Variants in GRIA4 observed in about 807,000 individuals in gnomAD.
GRIA4 encodes glutamate receptor 4.
In GRIA4, 34 loss-of-function variants were observed where a neutral mutation model predicts 104.0. The ratio of observed to expected loss-of-function variants is 0.33; its 90% CI spans 0.25 to 0.44. GRIA4 has a LOEUF of 0.44. Ranked by LOEUF, GRIA4 falls within the 20% of genes least tolerant of loss-of-function variation. The pLI, the probability that GRIA4 is intolerant of heterozygous loss-of-function variation, is 1.00. For synonymous variants in GRIA4, 386 were observed against 381.9 expected (o/e 1.01, Z -0.13); for missense variants, 750 against 1,096.5 (o/e 0.68, Z 4.46).
At chr11:105,782,286 A>G (rs1217372192) in intron 4 of GRIA4, among the ~76,000 whole-genome samples, 1 of 152,220 alleles carries the variant, frequency 6.6e-6, no homozygotes, top group Non-Finnish European at 1.5e-5. Context: ...TGTGCAACCT[A>G]TCGAGATATG....
intron 5 of GRIA4, among the ~76,000 whole-genome samples, chr11:105,874,168 T>C (rs575377393): frequency 6.6e-6 from 1 of 152,320 alleles, no homozygotes; most frequent in South Asian, 2.1e-4. Context: ...ATTTATGGAA[T>C]AGGAGATCCT....
At chr11:105,803,931 C>T (rs994378017) in intron 4 of GRIA4, among the ~76,000 whole-genome samples, 2 of 148,238 alleles carry the variant, frequency 1.3e-5, no homozygotes, top group South Asian at 2.2e-4. Flanking sequence ...CTAGCTCTCA[C>T]TTTTACATTT....
intron 3 of GRIA4, among the ~76,000 whole-genome samples, chr11:105,727,985 G>A (rs530241197): frequency 1.3e-5 from 2 of 152,112 alleles, no homozygotes; most frequent in East Asian, 1.9e-4. Context: ...GCAAAATAAC[G>A]AGCTAGCATC....
chr11:105,946,848 C>CA (rs1454475127), intron 14 of GRIA4, among the ~76,000 whole-genome samples: 1 of 151,804 alleles, frequency 6.6e-6, no homozygotes, highest in African/African-American at 2.4e-5. Flanking sequence ...AAAAATGTAC[C>CA]AAAAAAATGA....
chr11:105,753,688 C>T (rs1565518945), intron 4 of GRIA4, among the ~76,000 whole-genome samples: 1 of 152,140 alleles, frequency 6.6e-6, no homozygotes, highest in African/African-American at 2.4e-5. Flanking sequence ...CAAGACTGAA[C>T]ATCACTTTGG....
chr11:105,692,264 AAAG>A (rs1953117497), intron 3 of GRIA4, among the ~76,000 whole-genome samples: 5 of 152,168 alleles, frequency 3.3e-5, no homozygotes, highest in African/African-American at 1.2e-4. Context: ...TTAAAAAAAA[AAAG>A]AAAGTTGCCA....
At chr11:105,890,158 G>T (rs1314972570) in intron 6 of GRIA4, among the ~76,000 whole-genome samples, 1 of 152,116 alleles carries the variant, frequency 6.6e-6, no homozygotes, top group Non-Finnish European at 1.5e-5. Context: ...ACATCAATAT[G>T]GGATGCATGA....
At chr11:105,691,243 C>G (rs1953072905) in intron 3 of GRIA4, among the ~76,000 whole-genome samples, 1 of 151,938 alleles carries the variant, frequency 6.6e-6, no homozygotes, top group African/African-American at 2.4e-5. Flanking sequence ...TAACAACAAC[C>G]CAGTTAGATA....
At chr11:105,902,752 A>C (rs1364141350) in intron 7 of GRIA4, among the ~76,000 whole-genome samples, 1 of 152,208 alleles carries the variant, frequency 6.6e-6, no homozygotes. Flanking sequence ...ACAGGCATGG[A>C]AGGTGTTAAT....
chr11:105,839,240 G>A (rs548964447), intron 4 of GRIA4, among the ~76,000 whole-genome samples: 3 of 152,292 alleles, frequency 2.0e-5, no homozygotes, highest in Admixed American at 2.0e-4. Context: ...TATGGAAGAT[G>A]TTTATGTACC....
chr11:105,790,111 C>G (rs1206915422), intron 4 of GRIA4, among the ~76,000 whole-genome samples: 1 of 152,164 alleles, frequency 6.6e-6, no homozygotes, highest in Non-Finnish European at 1.5e-5. Context: ...GCAAAACTGC[C>G]AACCAAAATC....
At chr11:105,948,609 T>TC (rs1948385847) in intron 14 of GRIA4, among the ~76,000 whole-genome samples, 2 of 142,534 alleles carry the variant, frequency 1.4e-5, no homozygotes, top group African/African-American at 5.2e-5. Flanking sequence ...TTTTTTTTTT[T>TC]TTTTTTGAGA....
At chr11:105,818,226 T>C (rs1320328111) in intron 4 of GRIA4, among the ~76,000 whole-genome samples, 2 of 151,974 alleles carry the variant, frequency 1.3e-5, no homozygotes, top group Non-Finnish European at 2.9e-5. Context: ...AAAGGTGATG[T>C]TTGGTTTGAA....
At chr11:105,953,499 C>T (rs767002824) in intron 14 of GRIA4, among the ~76,000 whole-genome samples, 1 of 152,142 alleles carries the variant, frequency 6.6e-6, no homozygotes, top group Non-Finnish European at 1.5e-5. Flanking sequence ...TGTGAAAATA[C>T]TGACAATGCA....
intron 3 of GRIA4, among the ~76,000 whole-genome samples, chr11:105,740,429 T>G (rs1226687587): frequency 2.0e-5 from 3 of 152,212 alleles, no homozygotes; most frequent in Non-Finnish European, 1.5e-5. Flanking sequence ...TTATTTCTTT[T>G]GCCATAAACC....
intron 4 of GRIA4, among the ~76,000 whole-genome samples, chr11:105,796,226 C>T (rs1942474829): frequency 6.6e-6 from 1 of 152,136 alleles, no homozygotes. Flanking sequence ...AAATGCAGTA[C>T]ATTTGGCAAG....
intron 9 of GRIA4, 21 bp from the exon 10 acceptor site, chr11:105,910,414 A>C: frequency 8.7e-7 from 1 of 1,151,726 alleles, no homozygotes; most frequent in South Asian, 1.2e-5. Context: ...TATGTTTTCA[A>C]GCATGTTCTC....
At chr11:105,821,128 C>T (rs147003692) in intron 4 of GRIA4, among the ~76,000 whole-genome samples, 129 of 152,096 alleles carry the variant, frequency 8.5e-4, no homozygotes, top group African/African-American at 3.0e-3. Flanking sequence ...AGTTTCAACA[C>T]TCAATAAAAA....
chr11:105,723,117 G>GA (rs916540647), intron 3 of GRIA4, among the ~76,000 whole-genome samples: 19 of 151,786 alleles, frequency 1.3e-4, no homozygotes, highest in African/African-American at 4.1e-4. Flanking sequence ...AGGAAAGGGG[G>GA]AAAAAACCCT....
Sources: gnomAD v4.1 joint callset for allele counts (sites outside exome capture counted in the v4.1 genomes callset) on GRCh38, gnomAD v4.1.1 for gene constraint, MANE v1.5 for transcripts, NCBI Gene and HGNC (gene_info 2026-07-23, HGNC 2026-07-21) for gene names.